The following SLC4A11 variants were observed in gnomAD, a reference collection of about 807,000 sequenced individuals.
SLC4A11 encodes the protein solute carrier family 4 member 11.
Under a neutral mutation model 95.0 loss-of-function variants are expected in SLC4A11, and 74 were observed. The observed-to-expected ratio is 0.78, with a 90% CI of 0.65 to 0.95. The LOEUF (loss-of-function observed/expected upper bound fraction) is 0.95, where lower values mean the gene tolerates loss of function less well. Ranked by LOEUF, SLC4A11 falls within the 40% of genes least tolerant of loss-of-function variation. The probability of loss-of-function intolerance (pLI) is 0.00; values close to 1 mark genes in which losing one functional copy is unlikely to be tolerated. For missense variants in SLC4A11, 1,081 were observed against 1,192.4 expected (o/e 0.91, Z 1.38); for synonymous variants, 548 against 519.0 (o/e 1.06, Z -0.76).
intron 7 of SLC4A11, among the ~76,000 whole-genome samples, chr20:3,232,726 T>A (rs6051666): frequency 0.23 from 35,573 of 151,520 alleles, 4,786 homozygotes; most frequent in African/African-American, 0.36. Context: ...GATAAATAAA[T>A]AAAACAAACA....
At chr20:3,236,370 A>G (rs2067980541) in intron 2 of SLC4A11, among the ~76,000 whole-genome samples, 1 of 152,190 alleles carries the variant, frequency 6.6e-6, no homozygotes, top group African/African-American at 2.4e-5. Flanking sequence ...AGGTCAGGAG[A>G]TCGAGACCAT....
rs567543746 is a variant in SLC4A11 at position 3,234,213 on chromosome 20, G to A, written c.393C>T (p.Ser131=). 1.2e-6 allele frequency: 2 copies of A among 1,614,146 alleles called. No individual in the cohort carries two copies. Among genetic ancestry groups the A allele is most frequent in the South Asian group, 1.1e-5 (1 of 91,092 alleles). The part of the protein sequence containing the change: ...ASIVLNETAT[S]LDNVLRTMLR... ...GCATGGTCCGCAGCACGTTATCCAGGGAGGTGGCCGTCTCGTTCAGGACGA... is the reference window on the plus strand; with the variant it reads ...GCATGGTCCGCAGCACGTTATCCAGAGAGGTGGCCGTCTCGTTCAGGACGA... The change falls in exon 5 of 20, where the codon TCC becomes TCT. Residue 131 remains serine, a synonymous_variant. Transcript: ENST00000642402. This position sits in a 1 kb window ranked among gnomAD's most constrained non-coding sequence, Gnocchi z 5.8.
Position 3,238,836 on chromosome 20 carries a change from T to TG in SLC4A11, c.43+258dup, listed in dbSNP as rs1378561961. ...CCCGCCCTCGACCCGCTGCATCAGC[T>TG]GTTCAAACCTGGTAAGAAATTCAAG... On this transcript the variant is annotated intron_variant, in intron 1 of 19. Transcript: ENST00000642402. The TG allele has an allele frequency of 2.5e-6, 3 of 1,194,056 alleles. No homozygotes were observed. The African/African-American group carries it at 4.8e-5, about 19-fold the overall frequency. The allele number at this position is 1,194,056 out of a possible 1,614,324, so 74.0% of individuals were successfully genotyped here.
chr20:3,228,335 A>G lies in SLC4A11; in HGVS notation c.2482T>C (p.Cys828Arg). ...GLQVLQLLLL[C>R]AFGMSSLPYM... ...GGCAGGGAGCTCATGCCGAAGGCAC[A>G]CAGCAGCAGCAGCTGAAGCACCTGC... is the stretch of plus-strand genomic sequence containing the variant. The change falls in exon 19 of 20, where the codon TGT (cysteine) becomes CGT (arginine). Residue 828 changes from cysteine (C) to arginine (R), a missense_variant. Coordinates refer to ENST00000642402, the MANE Select transcript of SLC4A11 (RefSeq NM_001174089.2). The G allele has an allele frequency of 6.2e-7, 1 of 1,613,208 alleles. No individual in the cohort carries two copies. The highest frequency in any genetic ancestry group is 1.1e-5 in the South Asian group (1 of 91,062).
intron 1 of SLC4A11, chr20:3,238,691 A>AAGATGCCCGGGC (rs2068066779): frequency 6.0e-6 from 6 of 1,004,508 alleles, no homozygotes; most frequent in Non-Finnish European, 7.1e-6. Context: ...GCCGGACGGG[A>AAGATGCCCGGGC]AGATGCCCGG....
intron 19 of SLC4A11, 83 bp from the exon 20 acceptor site, chr20:3,227,939 C>A: frequency 7.4e-7 from 1 of 1,351,576 alleles, no homozygotes; most frequent in Non-Finnish European, 1.0e-6. Context: ...CCAGCCCACC[C>A]ACAGGGCCAG....
chr20:3,237,449 A>G, intron 2 of SLC4A11, 95 bp downstream of exon 2: 1 of 1,331,828 alleles, frequency 7.5e-7, no homozygotes, highest in East Asian at 2.3e-5. Context: ...ATAGGCGAGC[A>G]AAGCCACAGG....
upstream of SLC4A11, chr20:3,239,450 C>T: frequency 1.9e-6 from 2 of 1,039,904 alleles, no homozygotes; most frequent in Non-Finnish European, 2.3e-6. Context: ...CGCGCCGGAC[C>T]CAGCAGACCC....
chr20:3,229,668 T>C lies in SLC4A11; in HGVS notation c.1598A>G (p.His533Arg), dbSNP rs141743086. 2.5e-6 allele frequency: 4 copies of C among 1,613,680 alleles called. No homozygotes were observed. The African/African-American group carries it at 5.3e-5, about 22-fold the overall frequency. ...GLGASLNASL[H>R]TALNASFLAS... ...GAGGAAGCTGGCGTTGAGGGCAGTGTGGAGGCTGGCGTTGAGGCTGGCGCC... is the reference window on the plus strand; with the variant it reads ...GAGGAAGCTGGCGTTGAGGGCAGTGCGGAGGCTGGCGTTGAGGCTGGCGCC... The change falls in exon 14 of 20, where the codon CAC becomes CGC. Residue 533 changes from histidine (H) to arginine (R), a missense_variant. His to Arg is a conservative substitution (Grantham distance 29). Around this residue, in one of 3 missense-constraint regions of SLC4A11, gnomAD observed 767 missense variants for 858.0 expected, o/e 0.89. Transcript: ENST00000642402.
intron 19 of SLC4A11, 109 bp downstream of exon 19, chr20:3,228,150 G>T: frequency 5.9e-6 from 1 of 170,116 alleles, no homozygotes; most frequent in Non-Finnish European, 1.1e-5. Flanking sequence ...ACCCCAACCC[G>T]CCCATTCTCC....
In SLC4A11 at chr20:3,233,967, C is replaced by T. The variant is rs1326467127; in HGVS notation, c.559G>A (p.Ala187Thr). Reference sequence around the variant, plus strand: ...TGGTACCGCACCCCTGTCACTGTGGCGGTGACCCCTTGGATGGTATCTGAC... The same window carrying T: ...TGGTACCGCACCCCTGTCACTGTGGTGGTGACCCCTTGGATGGTATCTGAC... Reference protein sequence around the residue: ...LLSDTIQGVTATVTGVRYQQS... With the variant: ...LLSDTIQGVTTTVTGVRYQQS... Residue 187 changes from alanine to threonine, a missense_variant, in exon 6 of 20, where the codon GCC becomes ACC. Ala to Thr is a moderately conservative substitution (Grantham distance 58). Around this residue, in one of 3 missense-constraint regions of SLC4A11, gnomAD observed 310 missense variants for 313.5 expected, o/e 0.99. Transcript: ENST00000642402. The T allele has an allele frequency of 1.2e-5, 19 of 1,613,578 alleles. No individual in the cohort carries two copies. The highest frequency in any genetic ancestry group is 1.5e-5 in the Non-Finnish European group (18 of 1,179,984).
chr20:3,235,737 A>C (rs540883232), intron 2 of SLC4A11, among the ~76,000 whole-genome samples: 20 of 152,100 alleles, frequency 1.3e-4, no homozygotes, highest in African/African-American at 4.8e-4. Flanking sequence ...CTCTGCCCTG[A>C]GCCCTGCAGT....
intron 19 of SLC4A11, 115 bp downstream of exon 19, chr20:3,228,144 C>CCCCCAAA: frequency 5.6e-6 from 4 of 718,208 alleles, no homozygotes; most frequent in Non-Finnish European, 9.6e-6. Flanking sequence ...GCACCCACCC[C>CCCCCAAA]AACCCGCCCA....
Position 3,236,087 on chromosome 20 carries a change from A to G in SLC4A11, c.89-1193T>C, listed in dbSNP as rs1021031818. The stretch of plus-strand genomic sequence containing the variant: ...ACCTGTGCAGAAACAAGGATGGGTC[A>G]GCAGCACGCCTGCACCTGCCAGGGA... On this transcript the variant is annotated intron_variant, in intron 2 of 19. Coordinates refer to ENST00000642402, the MANE Select transcript of SLC4A11 (RefSeq NM_001174089.2). Among the ~76,000 whole-genome samples the G allele has an allele frequency of 4.3e-4, 66 of 152,172 alleles. 1 individual carries two copies. Among genetic ancestry groups the G allele is most frequent in the Non-Finnish European group, 1.0e-4 (7 of 68,000 alleles).
rs780586585 is a variant in SLC4A11 at position 3,234,347 on chromosome 20, C to G, written c.292-33G>C. 1.3e-6 allele frequency: 2 copies of G among 1,594,886 alleles called. No homozygotes were observed. Among genetic ancestry groups the G allele is most frequent in the Non-Finnish European group, 1.7e-6 (2 of 1,164,652 alleles). ...GACCCCAGGGACAGAACCACACGGG[C>G]CCATGTATGAGATGCTGTCACTGCC... is the stretch of plus-strand genomic sequence containing the variant. On this transcript the variant is annotated intron_variant, in intron 4 of 19. Coordinates refer to ENST00000642402, the MANE Select transcript of SLC4A11 (RefSeq NM_001174089.2). This position sits in a 1 kb window ranked among gnomAD's most constrained non-coding sequence, Gnocchi z 5.8.
Position 3,234,355 on chromosome 20 carries a change from T to G in SLC4A11, c.292-41A>C, listed in dbSNP as rs773943724. ...GGACAGAACCACACGGGCCCATGTA[T>G]GAGATGCTGTCACTGCCTGGTCCCT... is the stretch of plus-strand genomic sequence containing the variant. On this transcript the variant is annotated intron_variant, in intron 4 of 19. Transcript: ENST00000642402. This position sits in a 1 kb window ranked among gnomAD's most constrained non-coding sequence, Gnocchi z 5.8. 9 of 1,584,158 alleles carry G rather than the reference T, an allele frequency of 5.7e-6. No homozygotes were observed. The highest frequency in any genetic ancestry group is 1.7e-5 in the Admixed American group (1 of 59,588).
intron 19 of SLC4A11, 89 bp from the exon 20 acceptor site, chr20:3,227,945 G>A (rs566805159): frequency 4.2e-4 from 498 of 1,178,088 alleles, no homozygotes; most frequent in Non-Finnish European, 5.5e-4. Flanking sequence ...CACCCACAGG[G>A]CCAGGCTAGG....
At chr20:3,233,662 T>C in intron 6 of SLC4A11, 25 bp from the exon 7 acceptor site, 4 of 1,609,446 alleles carry the variant, frequency 2.5e-6, no homozygotes, top group African/African-American at 1.3e-5. Context: ...GAGGACACAG[T>C]GCACAGTTGC....
intron 6 of SLC4A11, 87 bp downstream of exon 6, chr20:3,233,834 G>A (rs2067866043): frequency 3.2e-6 from 5 of 1,542,736 alleles, no homozygotes; most frequent in Non-Finnish European, 3.6e-6. Context: ...GGACTCACAG[G>A]TGGGCTGGCC....
Sources: allele counts gnomAD v4.1 joint callset (sites outside exome capture counted in the v4.1 genomes callset), GRCh38; gene constraint gnomAD v4.1.1; regional missense constraint gnomAD v4.1.1; non-coding constraint Gnocchi (gnomAD v3.1); transcripts MANE v1.5; gene names NCBI Gene and HGNC (gene_info 2026-07-23, HGNC 2026-07-21).